Variants in GRM7 observed in about 807,000 individuals in gnomAD.
GRM7 encodes the protein glutamate metabotropic receptor 7.
In GRM7, 35 loss-of-function variants were observed where a neutral mutation model predicts 84.5. That is an observed-to-expected ratio of 0.41 (90% CI 0.32 to 0.55). The LOEUF is 0.55. Among genes scored for constraint, GRM7 ranks in the 20% least tolerant of loss-of-function variants. The pLI is 0.19. For missense variants in GRM7, 1,003 were observed against 1,194.6 expected, an observed-to-expected ratio of 0.84 and a Z score of 2.36; for synonymous variants, 487 against 455.1, an observed-to-expected ratio of 1.07 and a Z score of -0.89.
chr3:7,422,070 A>C (rs1300940138), intron 5 of GRM7, among the ~76,000 whole-genome samples: 2 of 151,974 alleles, frequency 1.3e-5, no homozygotes, highest in Non-Finnish European at 2.9e-5. Context: ...ACTCTAGCCT[A>C]GGTGACAGAG....
At chr3:7,341,493 C>G (rs927867357) in intron 4 of GRM7, among the ~76,000 whole-genome samples, 2 of 151,734 alleles carry the variant, frequency 1.3e-5, no homozygotes, top group Admixed American at 1.3e-4. Context: ...CCTTTGCAAT[C>G]CCACACACGG....
chr3:7,230,510 A>T (rs1697159276), intron 2 of GRM7, among the ~76,000 whole-genome samples: 1 of 152,134 alleles, frequency 6.6e-6, no homozygotes, highest in Non-Finnish European at 1.5e-5. Flanking sequence ...GTGAAGGTTC[A>T]TTTTTTTAAG....
intron 1 of GRM7, among the ~76,000 whole-genome samples, chr3:7,140,659 T>G (rs1276917159): frequency 6.6e-6 from 1 of 152,066 alleles, no homozygotes; most frequent in Non-Finnish European, 1.5e-5. Context: ...TAAATTATAA[T>G]TTATAATATT....
In GRM7 at chr3:7,122,970, G is replaced by C. The variant is rs545625730; in HGVS notation, c.520-23482G>C. Among the ~76,000 whole-genome samples, 20 of 152,220 alleles carry C rather than the reference G, an allele frequency of 1.3e-4. No individual in the cohort carries two copies. In the South Asian group the frequency reaches 3.7e-3, roughly 28 times the overall value. On this transcript the variant is annotated intron_variant, in intron 1 of 9. Transcript: ENST00000357716. The stretch of plus-strand genomic sequence containing the variant: ...AAAACAAGCATTCCTGAGAATTTTT[G>C]AAAAGGTCTCCTTTTCCCTGTTGAG...
intron 1 of GRM7, among the ~76,000 whole-genome samples, chr3:6,970,046 C>T (rs1248798069): frequency 6.6e-6 from 1 of 152,188 alleles, no homozygotes; most frequent in East Asian, 1.9e-4. Flanking sequence ...ACCCGACTGC[C>T]TGCACTAAGT....
At chr3:7,658,087 T>C (rs537879062) in intron 8 of GRM7, among the ~76,000 whole-genome samples, 22 of 152,316 alleles carry the variant, frequency 1.4e-4, no homozygotes, top group Non-Finnish European at 2.5e-4. Context: ...TTCCCAAGTT[T>C]AGGTGCATCA....
At chr3:7,003,447 A>G (rs1473698441) in intron 1 of GRM7, among the ~76,000 whole-genome samples, 1 of 152,122 alleles carries the variant, frequency 6.6e-6, no homozygotes, top group Non-Finnish European at 1.5e-5. Flanking sequence ...TAAGGAGCGC[A>G]TGCAATTGAT....
intron 2 of GRM7, among the ~76,000 whole-genome samples, chr3:7,207,758 T>C (rs1696286772): frequency 1.3e-5 from 2 of 152,240 alleles, no homozygotes; most frequent in East Asian, 1.9e-4. Context: ...ATAGTAGATA[T>C]ATCAGATTTT....
At chr3:7,654,807 G>A (rs557293682) in intron 8 of GRM7, among the ~76,000 whole-genome samples, 43 of 152,146 alleles carry the variant, frequency 2.8e-4, no homozygotes, top group Admixed American at 3.9e-4. Flanking sequence ...TTGTTCTTAC[G>A]AAATACTATC....
intron 1 of GRM7, among the ~76,000 whole-genome samples, chr3:6,916,742 T>C (rs928625805): frequency 3.3e-5 from 5 of 152,124 alleles, no homozygotes; most frequent in Non-Finnish European, 5.9e-5. Flanking sequence ...TTTCGACATA[T>C]AAATCTTGGG....
intron 1 of GRM7, among the ~76,000 whole-genome samples, chr3:7,118,334 G>A (rs959982705): frequency 1.3e-5 from 2 of 151,810 alleles, no homozygotes; most frequent in Non-Finnish European, 2.9e-5. Flanking sequence ...AGTCTATAGT[G>A]AGCTGTGGTC....
intron 2 of GRM7, among the ~76,000 whole-genome samples, chr3:7,264,933 G>A (rs1164884140): frequency 6.6e-6 from 1 of 152,190 alleles, no homozygotes; most frequent in African/African-American, 2.4e-5. Context: ...TTACTAGTTT[G>A]CTTTGAATAA....
intron 7 of GRM7, among the ~76,000 whole-genome samples, chr3:7,493,636 C>T (rs889689686): frequency 6.6e-6 from 1 of 151,822 alleles, no homozygotes; most frequent in Non-Finnish European, 1.5e-5. Flanking sequence ...TTTTACTAAG[C>T]TCTGTTTTTT....
intron 7 of GRM7, among the ~76,000 whole-genome samples, chr3:7,551,683 G>A (rs994401531): frequency 6.6e-6 from 1 of 151,740 alleles, no homozygotes; most frequent in Non-Finnish European, 1.5e-5. Context: ...CAATAAATGA[G>A]AGCTATAAAT....
intron 7 of GRM7, among the ~76,000 whole-genome samples, chr3:7,505,785 C>T (rs1219610976): frequency 6.6e-6 from 1 of 152,204 alleles, no homozygotes; most frequent in African/African-American, 2.4e-5. Context: ...AACCCCTTAA[C>T]CATTCTGCCT....
intron 1 of GRM7, among the ~76,000 whole-genome samples, chr3:6,926,765 T>A (rs1482728996): frequency 6.6e-6 from 1 of 152,238 alleles, no homozygotes; most frequent in African/African-American, 2.4e-5. Flanking sequence ...TAGAACTATA[T>A]GCAAGGGATA....
chr3:7,159,379 C>A (rs575165284), intron 2 of GRM7, among the ~76,000 whole-genome samples: 2 of 152,264 alleles, frequency 1.3e-5, no homozygotes, highest in East Asian at 3.9e-4. Flanking sequence ...CTAAGTTCAT[C>A]AGATAGGGAA....
chr3:7,663,264 C>T (rs375386650), intron 8 of GRM7, among the ~76,000 whole-genome samples: 10 of 152,164 alleles, frequency 6.6e-5, no homozygotes, highest in South Asian at 2.1e-4. Flanking sequence ...CAGCTGGCAT[C>T]GCTCAGGGAG....
chr3:6,933,172 G>A (rs1333449455), intron 1 of GRM7, among the ~76,000 whole-genome samples: 1 of 152,128 alleles, frequency 6.6e-6, no homozygotes, highest in Non-Finnish European at 1.5e-5. Context: ...AATACAGGAA[G>A]GAAGGCTGAA....
Sources: allele counts gnomAD v4.1 joint callset (sites outside exome capture counted in the v4.1 genomes callset), GRCh38; gene constraint gnomAD v4.1.1; transcripts MANE v1.5; gene names NCBI Gene and HGNC (gene_info 2026-07-23, HGNC 2026-07-21).